Variants in CDH4 observed in about 807,000 individuals in gnomAD.
The protein encoded by CDH4 is cadherin 4, also known as cadherin-4.
A neutral mutation model predicts 86.0 loss-of-function variants in CDH4; 33 were observed. The ratio of observed to expected loss-of-function variants is 0.38; its 90% CI spans 0.29 to 0.51. The LOEUF (loss-of-function observed/expected upper bound fraction) is 0.51. CDH4 is among the 20% of genes least tolerant of loss of function. The probability of loss-of-function intolerance (pLI) is 0.86; values close to 1 mark genes in which losing one functional copy is unlikely to be tolerated. For missense variants in CDH4, 1,114 were observed against 1,307.4 expected, an observed-to-expected ratio of 0.85 and a Z score of 2.28; for synonymous variants, 555 against 549.4, an observed-to-expected ratio of 1.01 and a Z score of -0.14.
At chr20:61,569,940 C>T (rs747987021) in intron 2 of CDH4, among the ~76,000 whole-genome samples, 7 of 152,124 alleles carry the variant, frequency 4.6e-5, no homozygotes, top group Non-Finnish European at 1.0e-4. Context: ...GGGCCTCATT[C>T]GAAAAGTACA....
At chr20:61,660,920 T>C (rs2087247689) in intron 2 of CDH4, among the ~76,000 whole-genome samples, 1 of 152,106 alleles carries the variant, frequency 6.6e-6, no homozygotes, top group Non-Finnish European at 1.5e-5. Context: ...CCGCAGCCTC[T>C]GGAGTTTGTG....
intron 2 of CDH4, among the ~76,000 whole-genome samples, chr20:61,488,822 A>G (rs2085610478): frequency 6.6e-6 from 1 of 152,236 alleles, no homozygotes; most frequent in Non-Finnish European, 1.5e-5. Flanking sequence ...CACCTAAAAC[A>G]GTCACCATGG....
At chr20:61,736,861 A>T (rs2088272620) in intron 2 of CDH4, among the ~76,000 whole-genome samples, 1 of 152,070 alleles carries the variant, frequency 6.6e-6, no homozygotes, top group Non-Finnish European at 1.5e-5. Context: ...ACAGAGGGAG[A>T]CTAAGGCCCA....
chr20:61,880,103 A>C (rs1206633443), intron 7 of CDH4, among the ~76,000 whole-genome samples: 1 of 152,228 alleles, frequency 6.6e-6, no homozygotes, highest in Non-Finnish European at 1.5e-5. Context: ...TATCGTTCTC[A>C]CCACCATCGA....
intron 2 of CDH4, among the ~76,000 whole-genome samples, chr20:61,275,251 G>A (rs73611511): frequency 0.12 from 14,185 of 114,710 alleles, 960 homozygotes; most frequent in Middle Eastern, 0.31. Context: ...GGGGAATACC[G>A]TGTGCAGTTT....
chr20:61,822,031 G>C (rs1331084434), intron 4 of CDH4, among the ~76,000 whole-genome samples: 1 of 152,246 alleles, frequency 6.6e-6, no homozygotes, highest in African/African-American at 2.4e-5. Flanking sequence ...TTTTTGGCTT[G>C]GATAGTTACT....
chr20:61,840,400 T>C (rs1568843620), intron 4 of CDH4, among the ~76,000 whole-genome samples: 1 of 152,214 alleles, frequency 6.6e-6, no homozygotes, highest in Non-Finnish European at 1.5e-5. Flanking sequence ...TTCAAGTTCA[T>C]TTGAAACCTG....
chr20:61,609,121 G>T lies in CDH4; in HGVS notation c.170-134442G>T, dbSNP rs570179286. Among the ~76,000 whole-genome samples the T allele has an allele frequency of 4.6e-5, 7 of 152,344 alleles. No homozygotes were observed. The East Asian group carries it at 1.2e-3, about 25-fold the overall frequency. ...CAAGCATCATGTGTTTAGGGTATAC[G>T]AATGTGGCATAACATTAGTGCAATC... On this transcript the variant is annotated intron_variant, in intron 2 of 15. Coordinates refer to ENST00000614565, the MANE Select transcript of CDH4 (RefSeq NM_001794.5).
chr20:61,747,710 C>T (rs900687406), intron 3 of CDH4, among the ~76,000 whole-genome samples: 6 of 152,048 alleles, frequency 3.9e-5, no homozygotes, highest in Admixed American at 1.3e-4. Flanking sequence ...CAAAAACATT[C>T]GTGCTCTAAA....
chr20:61,626,239 G>T (rs1468704431), intron 2 of CDH4, among the ~76,000 whole-genome samples: 1 of 152,194 alleles, frequency 6.6e-6, no homozygotes, highest in African/African-American at 2.4e-5. Context: ...AGGCCAAGGG[G>T]TGGGGGTCAG....
chr20:61,716,578 G>A (rs112842160), intron 2 of CDH4, among the ~76,000 whole-genome samples: 6,345 of 152,234 alleles, frequency 0.042, 407 homozygotes, highest in African/African-American at 0.13. Context: ...CTTGTGTCCC[G>A]CAAAGAAAGA....
chr20:61,890,194 G>GATGA (rs1555853771), intron 7 of CDH4, among the ~76,000 whole-genome samples: 3 of 144,238 alleles, frequency 2.1e-5, no homozygotes, highest in Non-Finnish European at 4.5e-5. Flanking sequence ...ATGGATAGAT[G>GATGA]ATGGATGGAT....
intron 2 of CDH4, among the ~76,000 whole-genome samples, chr20:61,397,466 G>T (rs2085024417): frequency 6.6e-6 from 1 of 151,190 alleles, no homozygotes; most frequent in Non-Finnish European, 1.5e-5. Context: ...AAAAATACAG[G>T]CTTTTGAGGG....
intron 2 of CDH4, among the ~76,000 whole-genome samples, chr20:61,386,997 T>G (rs1341963615): frequency 6.6e-6 from 1 of 152,284 alleles, no homozygotes; most frequent in Non-Finnish European, 1.5e-5. Context: ...GTTACCAATT[T>G]TCCACGTCTC....
At chr20:61,689,587 G>T (rs1414627636) in intron 2 of CDH4, among the ~76,000 whole-genome samples, 6 of 83,806 alleles carry the variant, frequency 7.2e-5, no homozygotes, top group Admixed American at 2.7e-4. Flanking sequence ...GGATTCCGGC[G>T]GGGACAGTGG....
At chr20:61,342,999 T>C (rs952900435) in intron 2 of CDH4, among the ~76,000 whole-genome samples, 18 of 152,242 alleles carry the variant, frequency 1.2e-4, no homozygotes, top group African/African-American at 4.3e-4. Flanking sequence ...ATCGCCCACC[T>C]ACGGCCCAAT....
chr20:61,502,722 G>A (rs1450037912), intron 2 of CDH4, among the ~76,000 whole-genome samples: 4 of 152,200 alleles, frequency 2.6e-5, no homozygotes, highest in East Asian at 1.9e-4. Flanking sequence ...CCAACATCAC[G>A]AAGGAGAAAC....
At chr20:61,639,482 GTTCCTAACCTGAAATAAAATCAT>G (rs2086982673) in intron 2 of CDH4, among the ~76,000 whole-genome samples, 1 of 152,210 alleles carries the variant, frequency 6.6e-6, no homozygotes, top group Admixed American at 6.5e-5. Flanking sequence ...AATGCTTACA[GTTCCTAACCTGAAATAAAATCAT>G]TTACGATATT....
chr20:61,837,145 A>G (rs535153215), intron 4 of CDH4, among the ~76,000 whole-genome samples: 2 of 152,156 alleles, frequency 1.3e-5, no homozygotes, highest in Non-Finnish European at 2.9e-5. Flanking sequence ...GTGAGTTGTG[A>G]TTGCGCCACT....
Sources: allele counts gnomAD v4.1 joint callset (sites outside exome capture counted in the v4.1 genomes callset), GRCh38; gene constraint gnomAD v4.1.1; transcripts MANE v1.5; gene names NCBI Gene and HGNC (gene_info 2026-07-23, HGNC 2026-07-21).